The following MYH3 variants were observed in gnomAD, a reference collection of about 807,000 sequenced individuals.
MYH3 encodes myosin heavy chain 3, also known as myosin-3.
A neutral mutation model predicts 238.0 loss-of-function variants in MYH3; 130 were observed. That is an observed-to-expected ratio of 0.55 (90% CI 0.47 to 0.63). The LOEUF is 0.63. Among genes scored for constraint, MYH3 ranks in the 30% least tolerant of loss-of-function variants. MYH3 has a pLI of 0.00. For synonymous variants in MYH3, 880 were observed against 924.1 expected, an observed-to-expected ratio of 0.95 and a Z score of 0.86; for missense variants, 1,853 against 2,374.9, an observed-to-expected ratio of 0.78 and a Z score of 4.57.
At chr17:10,631,313 A>G (rs750163712) in intron 36 of MYH3, among the ~76,000 whole-genome samples, 2 of 152,224 alleles carry the variant, frequency 1.3e-5, no homozygotes, top group Non-Finnish European at 2.9e-5. Flanking sequence ...AATGTGTGGG[A>G]TATTAACACC....
At chr17:10,632,094 G>T in intron 34 of MYH3, 78 bp from the exon 35 acceptor site, 1 of 1,444,570 alleles carries the variant, frequency 6.9e-7, no homozygotes, top group Non-Finnish European at 9.4e-7. Context: ...TCTGAGTTTT[G>T]TTTGTTTGTT....
rs762975920 is a variant in MYH3 at position 10,630,454 on chromosome 17, G to A, written c.5291C>T (p.Ala1764Val). The A allele has an allele frequency of 6.2e-7, 1 of 1,614,194 alleles. No individual in the cohort carries two copies. Among genetic ancestry groups the A allele is most frequent in the South Asian group, 1.1e-5 (1 of 91,076 alleles). The change falls in exon 37 of 41, where the codon GCC becomes GTC. Residue 1764 changes from alanine (A) to valine (V), a missense_variant. Transcript: ENST00000583535. ...EKAKKAITDA[A>V]MMAEELKKEQ... ...CTTCTTCAGCTCCTCCGCCATCATG[G>A]CAGCCTGAAAAGCACATGGGACTTG...
the MYH3 span, among the ~76,000 whole-genome samples, chr17:10,663,443 G>T: frequency 6.6e-6 from 1 of 152,160 alleles, no homozygotes; most frequent in Non-Finnish European, 1.5e-5. Context: ...GGAGCAGGAA[G>T]AGTGCTCGAG....
intron 11 of MYH3, 21 bp from the exon 12 acceptor site, chr17:10,645,866 C>T (rs2074315962): frequency 2.5e-6 from 4 of 1,613,832 alleles, no homozygotes; most frequent in Admixed American, 1.7e-5. Flanking sequence ...AAGGGCAGCA[C>T]GTCAGTCAGT....
the MYH3 span, among the ~76,000 whole-genome samples, chr17:10,663,899 C>A: frequency 6.6e-6 from 1 of 151,784 alleles, no homozygotes; most frequent in South Asian, 2.1e-4. Flanking sequence ...GCCGTCTTTA[C>A]TAAAAATACA....
rs969719102 is a variant in MYH3 at position 10,642,691 on chromosome 17, C to T, written c.1614G>A (p.Glu538=). ...PMGIFSILEE[E]CMFPKATDTS... is the part of the protein sequence containing the mutation. Reference sequence around the variant, plus strand: ...TGTCTGTTGCCTTGGGGAACATGCACTCCTCTTCCAGGATGGAGAAGATGC... The same window carrying T: ...TGTCTGTTGCCTTGGGGAACATGCATTCCTCTTCCAGGATGGAGAAGATGC... Residue 538 remains glutamate (E), a synonymous_variant, in exon 16 of 41, where the codon GAG becomes GAA. Coordinates refer to ENST00000583535, the MANE Select transcript of MYH3 (RefSeq NM_002470.4). The surrounding 1 kb of genome is among the most constrained non-coding windows in gnomAD (Gnocchi z 5.4). The T allele has an allele frequency of 6.2e-7, 1 of 1,614,216 alleles. No individual in the cohort carries two copies. The highest frequency in any genetic ancestry group is 1.7e-5 in the Admixed American group (1 of 60,022).
chr17:10,628,614 C>T lies in MYH3; in HGVS notation c.*39G>A, dbSNP rs372305218. ...AATGGTCAGGAATCAAGAAAATATA[C>T]ATTTTGCATATCTTCTGTCCTGCTC... On this transcript the variant is annotated 3_prime_UTR_variant, in exon 41 of 41. Transcript: ENST00000583535. 127 of 1,608,862 alleles carry T rather than the reference C, an allele frequency of 7.9e-5. No individual in the cohort carries two copies. Among genetic ancestry groups the T allele is most frequent in the Middle Eastern group, 1.7e-4 (1 of 6,048 alleles).
At position 10,629,589 on chromosome 17, in the gene MYH3, C is replaced by T. The variant is rs1597479781; in HGVS notation, c.5796+8G>A. ...TGGGGGGGGGCTCCTCCCAGCTCAG[C>T]GACTCACCCTGCTGGAGGTGAAGTC... On this transcript the variant is annotated splice_region_variant and intron_variant, in intron 40 of 40. Coordinates refer to ENST00000583535, the MANE Select transcript of MYH3 (RefSeq NM_002470.4). 3 of 1,612,634 alleles carry T rather than the reference C, an allele frequency of 1.9e-6. No homozygotes were observed. Among genetic ancestry groups the T allele is most frequent in the Admixed American group, 1.7e-5 (1 of 60,000 alleles).
upstream of MYH3, among the ~76,000 whole-genome samples, chr17:10,660,697 C>G (rs2074474574): frequency 7.0e-6 from 1 of 142,810 alleles, no homozygotes; most frequent in African/African-American, 2.7e-5. Flanking sequence ...AAAATTCTAT[C>G]CAGCCGGGCA....
chr17:10,639,964 TAAA>T lies in MYH3; in HGVS notation c.2682+29_2682+31del, dbSNP rs34274020. 47,817 of 1,242,548 alleles carry T rather than the reference TAAA, an allele frequency of 0.038. No individual in the cohort carries two copies. Among genetic ancestry groups the T allele is most frequent in the Non-Finnish European group, 0.044 (38,725 of 886,088 alleles). The allele number at this position is 1,242,548 out of a possible 1,614,324, so 77.0% of individuals were successfully genotyped here. ...AATAAATAATCAAATCTAGAAGAGT[TAAA>T]AAAAAAAAAAAGATTGCTAAACACG... On this transcript the variant is annotated intron_variant, in intron 22 of 40. Transcript: ENST00000583535.
At chr17:10,630,000 C>T in intron 38 of MYH3, 63 bp from the exon 39 acceptor site, 1 of 1,606,052 alleles carries the variant, frequency 6.2e-7, no homozygotes, top group Non-Finnish European at 8.5e-7. Flanking sequence ...ACGGCATGGG[C>T]AGCTTTCTGG....
upstream of MYH3, chr17:10,659,169 A>C (rs1360960835): frequency 6.6e-6 from 1 of 152,232 alleles, no homozygotes; most frequent in Non-Finnish European, 1.5e-5. Context: ...TGCAGTGACC[A>C]ATGTACTCAT....
intron 36 of MYH3, 148 bp from the exon 37 acceptor site, chr17:10,630,606 T>C: frequency 8.2e-7 from 1 of 1,223,450 alleles, no homozygotes; most frequent in Non-Finnish European, 1.2e-6. Flanking sequence ...TCCCAGCACT[T>C]TGGGAGGCCA....
At chr17:10,647,325 A>T in intron 9 of MYH3, 38 bp downstream of exon 9, 1 of 1,613,758 alleles carries the variant, frequency 6.2e-7, no homozygotes, top group Middle Eastern at 1.6e-4. Context: ...TTCCCAGTTA[A>T]CTCTGAGACG....
rs2074404506 is a variant in MYH3, at chr17:10,654,134, A to ATT, written c.204+725_204+726dup. Among the ~76,000 whole-genome samples, 1 of 126,126 alleles carries ATT rather than the reference A, an allele frequency of 7.9e-6. No individual in the cohort carries two copies. Among genetic ancestry groups the ATT allele is most frequent in the Admixed American group, 8.4e-5 (1 of 11,950 alleles). 82.7% of individuals were successfully genotyped at this position (126,126 alleles called of 152,430 possible). A position where few individuals can be genotyped will look rare whatever the true frequency, so the allele number is the denominator to read the frequency against. The stretch of plus-strand genomic sequence containing the variant: ...AGTATTTCCTTTACTTGTCTCTTTT[A>ATT]TTTTCTTTCTTTCTTTCTCTTTCTT... On this transcript the variant is annotated intron_variant, in intron 3 of 40. Coordinates refer to ENST00000583535, the MANE Select transcript of MYH3 (RefSeq NM_002470.4). The surrounding 1 kb of genome is among the most constrained non-coding windows in gnomAD (Gnocchi z 4.5).
chr17:10,639,486 T>C lies in MYH3; in HGVS notation c.2926-12A>G, dbSNP rs2285473. The C allele has an allele frequency of 0.68, 1,089,225 of 1,613,558 alleles. 379,816 individuals are homozygous for C. Among genetic ancestry groups the C allele is most frequent in the Non-Finnish European group, 0.73 (860,726 of 1,179,740 alleles). On this transcript the variant is annotated splice_polypyrimidine_tract_variant and intron_variant, in intron 23 of 40. Coordinates refer to ENST00000583535, the MANE Select transcript of MYH3 (RefSeq NM_002470.4). ...GTAAGGTTTTTAACCTAAGAAGAAT[T>C]CGCAAGCAATTATAAGCTTAAAGTT...
In MYH3 at chr17:10,641,174, G is replaced by A. The variant is rs1399589968; in HGVS notation, c.2076C>T (p.His692=). 1.9e-6 allele frequency: 3 copies of A among 1,614,004 alleles called. No homozygotes were observed. Among genetic ancestry groups the A allele is most frequent in the East Asian group, 2.2e-5 (1 of 44,894 alleles). ...PGAMEHSLVL[H]QLRCNGVLEG... Reference sequence around the variant, plus strand: ...CCAGGACACCGTTACACCGCAGCTGGTGCAGAACAAGGCTGTGTTCCATAG... The same window carrying A: ...CCAGGACACCGTTACACCGCAGCTGATGCAGAACAAGGCTGTGTTCCATAG... Residue 692 remains histidine (H), a synonymous_variant, in exon 19 of 41, where the codon CAC becomes CAT. Transcript: ENST00000583535.
chr17:10,643,259 G>A (rs937312738), intron 14 of MYH3, among the ~76,000 whole-genome samples: 3 of 152,206 alleles, frequency 2.0e-5, no homozygotes, highest in South Asian at 2.1e-4. Flanking sequence ...ACTCTTCAAT[G>A]TGCCATATAG....
rs534424523 is a variant in MYH3, at chr17:10,630,743, C to T, written c.5287-285G>A. On this transcript the variant is annotated intron_variant, in intron 36 of 40. Coordinates refer to ENST00000583535, the MANE Select transcript of MYH3 (RefSeq NM_002470.4). ...GCAGATGCCCGTATTCCCAGCTACTCCGGAGGCTGAGGCAGGAGAGTTGCT... is the reference window on the plus strand; with the variant it reads ...GCAGATGCCCGTATTCCCAGCTACTTCGGAGGCTGAGGCAGGAGAGTTGCT... Among the ~76,000 whole-genome samples the T allele has an allele frequency of 9.2e-5, 14 of 152,140 alleles. No homozygotes were observed. In the East Asian group the frequency reaches 2.5e-3, roughly 27 times the overall value.
Sources: gnomAD v4.1 joint callset for allele counts (sites outside exome capture counted in the v4.1 genomes callset) on GRCh38, gnomAD v4.1.1 for gene constraint, Gnocchi (gnomAD v3.1) non-coding constraint, MANE v1.5 for transcripts, NCBI Gene and HGNC (gene_info 2026-07-23, HGNC 2026-07-21) for gene names.